The following NTRK3 variants were observed in gnomAD, a reference collection of about 807,000 sequenced individuals.
NTRK3 encodes the protein NT-3 growth factor receptor.
Under a neutral mutation model 91.7 loss-of-function variants are expected in NTRK3, and 24 were observed. That is an observed-to-expected ratio of 0.26 (90% CI 0.19 to 0.37). The LOEUF is 0.37. NTRK3 is among the 10% of genes least tolerant of loss of function. NTRK3 has a pLI of 1.00. For missense variants in NTRK3, 880 were observed against 1,068.9 expected (o/e 0.82, Z 2.46); for synonymous variants, 483 against 404.0 (o/e 1.20, Z -2.34).
chr15:88,144,678 G>A (rs913006601), intron 6 of NTRK3, among the ~76,000 whole-genome samples: 28 of 152,192 alleles, frequency 1.8e-4, no homozygotes, highest in Admixed American at 1.3e-3. Context: ...TAACTTAGCC[G>A]AGCCTCAAAT....
intron 14 of NTRK3, among the ~76,000 whole-genome samples, chr15:87,949,973 CT>C (rs1408323398): frequency 6.6e-6 from 1 of 152,160 alleles, no homozygotes; most frequent in Non-Finnish European, 1.5e-5. Context: ...GACAAACCCT[CT>C]TCAAAGTGCC....
chr15:87,929,189 A>ACCC lies in NTRK3; in HGVS notation c.2132_2133+1dup. ...GTCCTGCAGCTGGGAAAGTCACTTT[A>ACCC]CCCTGTAATAATCCGTGCTGTAGAC... is the stretch of plus-strand genomic sequence containing the variant. On this transcript the variant is annotated splice_donor_variant, in intron 17 of 18. Coordinates refer to ENST00000394480, the Ensembl canonical transcript of NTRK3. LOFTEE classifies it high-confidence loss of function. The ACCC allele has an allele frequency of 6.2e-7, 1 of 1,614,112 alleles. No individual in the cohort carries two copies. The highest frequency in any genetic ancestry group is 8.5e-7 in the Non-Finnish European group (1 of 1,180,030).
At chr15:88,047,749 C>T (rs2080367165) in intron 13 of NTRK3, among the ~76,000 whole-genome samples, 3 of 152,116 alleles carry the variant, frequency 2.0e-5, no homozygotes, top group Non-Finnish European at 4.4e-5. Context: ...CCTGATCTGC[C>T]CTGGACAGTC....
chr15:88,247,354 G>A (rs1352654007), intron 3 of NTRK3, among the ~76,000 whole-genome samples: 2 of 152,200 alleles, frequency 1.3e-5, no homozygotes, highest in South Asian at 2.1e-4. Flanking sequence ...CTTGTGCCAG[G>A]AACTCACTGG....
At chr15:87,983,660 T>C (rs1012555658) in intron 14 of NTRK3, among the ~76,000 whole-genome samples, 2 of 152,200 alleles carry the variant, frequency 1.3e-5, no homozygotes, top group African/African-American at 4.8e-5. Context: ...AAAGTCTAAA[T>C]TTGAATCCAG....
At chr15:88,037,380 G>A (rs1040590066) in intron 13 of NTRK3, among the ~76,000 whole-genome samples, 8 of 152,154 alleles carry the variant, frequency 5.3e-5, no homozygotes, top group African/African-American at 1.9e-4. Flanking sequence ...TGGCCAACAA[G>A]GTGAAACCCA....
chr15:88,086,801 G>T (rs1387983552), intron 13 of NTRK3, among the ~76,000 whole-genome samples: 1 of 152,214 alleles, frequency 6.6e-6, no homozygotes, highest in Non-Finnish European at 1.5e-5. Flanking sequence ...TCCTAGCCTG[G>T]GGCAGTTGTG....
chr15:87,868,474 T>A (rs570013365), exon 19 of NTRK3: 16 of 219,134 alleles, frequency 7.3e-5, no homozygotes, highest in African/African-American at 3.4e-4. Context: ...GAAAAACAAT[T>A]TCAAAGGGAA....
At chr15:87,898,823 T>TAAAAAAAAAAAAAA (rs34425235) in intron 17 of NTRK3, among the ~76,000 whole-genome samples, 1 of 103,986 alleles carries the variant, frequency 9.6e-6, no homozygotes, top group African/African-American at 3.9e-5. Flanking sequence ...CTGTCTCTAC[T>TAAAAAAAAAAAAAA]AAAAAAAAAA....
In NTRK3 at chr15:87,880,105, AT is replaced by A. The variant is rs5814311; in HGVS notation, c.2292+164del. ...ATTACACCACATTTCCTACAGTTCC[AT>A]TTTTTTTTTCCTACTAAGAAGCTCT... On this transcript the variant is annotated intron_variant, in intron 18 of 18. Transcript: ENST00000394480. 0.027 allele frequency among the ~76,000 whole-genome samples: 3,955 copies of A among 148,670 alleles called. 181 individuals are homozygous for A. Among genetic ancestry groups the A allele is most frequent in the African/African-American group, 0.089 (3,606 of 40,658 alleles).
intron 14 of NTRK3, among the ~76,000 whole-genome samples, chr15:88,008,714 G>A (rs1327265528): frequency 6.6e-6 from 1 of 152,098 alleles, no homozygotes; most frequent in Non-Finnish European, 1.5e-5. Flanking sequence ...TCGGCCCCCA[G>A]CGATTCTTCA....
chr15:87,896,923 C>G (rs1022134835), intron 17 of NTRK3, among the ~76,000 whole-genome samples: 2 of 152,116 alleles, frequency 1.3e-5, no homozygotes, highest in African/African-American at 4.8e-5. Context: ...ATCTCAGCCC[C>G]GGGTCTAGTA....
intron 13 of NTRK3, among the ~76,000 whole-genome samples, chr15:88,033,948 G>A (rs1314483970): frequency 2.0e-5 from 3 of 152,112 alleles, no homozygotes; most frequent in Non-Finnish European, 1.5e-5. Flanking sequence ...ATCCCCAGAG[G>A]TTCTGATTCC....
intron 13 of NTRK3, among the ~76,000 whole-genome samples, chr15:88,091,551 C>A (rs920189197): frequency 5.9e-5 from 9 of 152,180 alleles, no homozygotes; most frequent in Non-Finnish European, 1.3e-4. Context: ...TTAGTGATGT[C>A]TGCTGTACGC....
exon 19 of NTRK3, chr15:87,863,402 A>G (rs950327796): frequency 3.1e-5 from 7 of 226,414 alleles, no homozygotes; most frequent in African/African-American, 1.3e-4. Context: ...ACATACACCC[A>G]GGCTTCGCTG....
At chr15:88,026,852 C>T (rs888401678) in intron 14 of NTRK3, among the ~76,000 whole-genome samples, 2 of 152,100 alleles carry the variant, frequency 1.3e-5, no homozygotes, top group African/African-American at 2.4e-5. Context: ...CCAGGTATCA[C>T]CTTATCTGAA....
intron 17 of NTRK3, among the ~76,000 whole-genome samples, chr15:87,909,738 G>T (rs978468979): frequency 7.2e-5 from 11 of 152,206 alleles, no homozygotes; most frequent in Admixed American, 5.9e-4. Context: ...GTTCAATGGG[G>T]TCTGTAGGGT....
At chr15:88,250,361 T>TA (rs1408737650) in intron 3 of NTRK3, among the ~76,000 whole-genome samples, 1 of 152,248 alleles carries the variant, frequency 6.6e-6, no homozygotes, top group African/African-American at 2.4e-5. Flanking sequence ...ATGGGACTGT[T>TA]AAGCTCTGCT....
intron 10 of NTRK3, among the ~76,000 whole-genome samples, chr15:88,129,943 G>T (rs936796598): frequency 6.6e-6 from 1 of 152,134 alleles, no homozygotes; most frequent in South Asian, 2.1e-4. Flanking sequence ...ATCAAATATG[G>T]TTGATGTCCT....
Sources: gnomAD v4.1 joint callset for allele counts (sites outside exome capture counted in the v4.1 genomes callset) on GRCh38, gnomAD v4.1.1 for gene constraint, MANE v1.5 for transcripts, NCBI Gene and HGNC (gene_info 2026-07-23, HGNC 2026-07-21) for gene names.